Variants in DKK2 observed in about 807,000 individuals in gnomAD.
DKK2 encodes the protein dickkopf Wnt signaling pathway inhibitor 2, also known as dickkopf-related protein 2.
Under a neutral mutation model 28.1 loss-of-function variants are expected in DKK2, and 11 were observed. That is an observed-to-expected ratio of 0.39 (90% CI 0.25 to 0.65). The LOEUF (loss-of-function observed/expected upper bound fraction) is 0.65. Ranked by LOEUF, DKK2 falls within the 30% of genes least tolerant of loss-of-function variation. The pLI is 0.47. For synonymous variants in DKK2, 135 were observed against 126.5 expected (o/e 1.07, Z -0.45); for missense variants, 326 against 335.5 (o/e 0.97, Z 0.22).
chr4:106,971,419 A>C (rs1270153938), intron 1 of DKK2, among the ~76,000 whole-genome samples: 1 of 152,130 alleles, frequency 6.6e-6, no homozygotes, highest in African/African-American at 2.4e-5. Flanking sequence ...AAGAGGAAAT[A>C]ACTGTAAGAT....
intron 1 of DKK2, among the ~76,000 whole-genome samples, chr4:106,980,124 A>G (rs972118986): frequency 2.0e-5 from 3 of 152,194 alleles, no homozygotes; most frequent in Admixed American, 6.5e-5. Flanking sequence ...GGCAATTGCT[A>G]TATAGCTAGA....
intron 1 of DKK2, among the ~76,000 whole-genome samples, chr4:106,930,045 C>T (rs1481368512): frequency 1.3e-5 from 2 of 152,028 alleles, no homozygotes; most frequent in African/African-American, 2.4e-5. Flanking sequence ...TAGAAGCCTC[C>T]GAATACCAAC....
At chr4:106,971,379 A>T (rs1722865478) in intron 1 of DKK2, among the ~76,000 whole-genome samples, 1 of 151,948 alleles carries the variant, frequency 6.6e-6, no homozygotes, top group Admixed American at 6.6e-5. Context: ...ATTATTAAAC[A>T]GCTTATATCT....
At chr4:107,019,178 C>T (rs1411022903) in intron 1 of DKK2, among the ~76,000 whole-genome samples, 1 of 151,942 alleles carries the variant, frequency 6.6e-6, no homozygotes, top group African/African-American at 2.4e-5. Flanking sequence ...CAAAATAGAA[C>T]TCCAACTTGG....
intron 1 of DKK2, among the ~76,000 whole-genome samples, chr4:107,033,090 C>A (rs1468182592): frequency 2.6e-5 from 4 of 152,098 alleles, no homozygotes; most frequent in Non-Finnish European, 5.9e-5. Context: ...TTAGATCATT[C>A]GTTAAAGAAG....
At chr4:107,007,961 G>C (rs1400706537) in intron 1 of DKK2, among the ~76,000 whole-genome samples, 2 of 152,124 alleles carry the variant, frequency 1.3e-5, no homozygotes, top group Non-Finnish European at 2.9e-5. Flanking sequence ...GAGTGAGAAA[G>C]CTTCCCAAAC....
chr4:106,951,622 A>T (rs1191590120), intron 1 of DKK2, among the ~76,000 whole-genome samples: 2 of 152,168 alleles, frequency 1.3e-5, no homozygotes, highest in African/African-American at 4.8e-5. Context: ...AGAGCTAAAA[A>T]AGTTGACCTC....
chr4:107,019,278 T>A (rs1723657899), intron 1 of DKK2, among the ~76,000 whole-genome samples: 1 of 152,092 alleles, frequency 6.6e-6, no homozygotes, highest in African/African-American at 2.4e-5. Context: ...CACTGTCCTG[T>A]ATTAAAATTT....
At chr4:106,967,385 T>G (rs950295689) in intron 1 of DKK2, among the ~76,000 whole-genome samples, 3 of 152,062 alleles carry the variant, frequency 2.0e-5, no homozygotes, top group Middle Eastern at 3.2e-3. Context: ...AGGAGTTACC[T>G]AGTTGCAATG....
rs1007462153 is a variant in DKK2, at chr4:106,923,529, T to C, written c.*425A>G. 1.2e-5 allele frequency: 2 copies of C among 160,552 alleles called. No individual in the cohort carries two copies. Among genetic ancestry groups the C allele is most frequent in the African/African-American group, 2.4e-5 (1 of 41,574 alleles). 9.9% of individuals were successfully genotyped at this position (160,552 alleles called of 1,614,324 possible). On this transcript the variant is annotated 3_prime_UTR_variant, in exon 4 of 4. Coordinates refer to ENST00000285311, the MANE Select transcript of DKK2 (RefSeq NM_014421.3). ...TTAGAACCTATTGTATAACAAGTTA[T>C]TCTAGGAGTATTTTGTTAAACTCTA...
intron 1 of DKK2, among the ~76,000 whole-genome samples, chr4:106,995,125 T>A (rs1399887051): frequency 1.3e-5 from 2 of 152,146 alleles, no homozygotes; most frequent in Non-Finnish European, 2.9e-5. Context: ...TTAATAATAT[T>A]AAATATTACA....
intron 1 of DKK2, among the ~76,000 whole-genome samples, chr4:107,005,458 A>T (rs898067049): frequency 1.2e-4 from 18 of 151,998 alleles, no homozygotes; most frequent in African/African-American, 2.2e-4. Flanking sequence ...TAATTTTTTT[A>T]AAAAAATGAA....
At chr4:106,928,170 T>C (rs1272289287) in intron 1 of DKK2, among the ~76,000 whole-genome samples, 1 of 152,078 alleles carries the variant, frequency 6.6e-6, no homozygotes, top group African/African-American at 2.4e-5. Flanking sequence ...GCAGATGACA[T>C]TAAAAAAATG....
intron 1 of DKK2, among the ~76,000 whole-genome samples, chr4:106,985,078 G>A (rs977289833): frequency 6.6e-6 from 1 of 151,894 alleles, no homozygotes; most frequent in Admixed American, 6.6e-5. Flanking sequence ...GTGAGGTGGC[G>A]GGCGCCTGTA....
At chr4:106,995,931 C>T (rs1249802639) in intron 1 of DKK2, among the ~76,000 whole-genome samples, 1 of 152,142 alleles carries the variant, frequency 6.6e-6, no homozygotes, top group African/African-American at 2.4e-5. Flanking sequence ...GTATCTTTAA[C>T]AAACTCTTTC....
intron 1 of DKK2, among the ~76,000 whole-genome samples, chr4:106,962,671 G>A (rs1722709569): frequency 6.6e-6 from 1 of 151,924 alleles, no homozygotes; most frequent in East Asian, 1.9e-4. Flanking sequence ...AAAACATTGG[G>A]GAAACACTCC....
At chr4:106,992,931 G>C (rs778436991) in intron 1 of DKK2, among the ~76,000 whole-genome samples, 48 of 152,316 alleles carry the variant, frequency 3.2e-4, no homozygotes, top group Non-Finnish European at 4.9e-4. Context: ...GTCTTCTGTG[G>C]AAGAAACAGA....
intron 1 of DKK2, among the ~76,000 whole-genome samples, chr4:107,034,972 G>A (rs1165895823): frequency 1.3e-5 from 2 of 152,154 alleles, no homozygotes; most frequent in African/African-American, 2.4e-5. Context: ...GATTAAATGA[G>A]TGAATATGTA....
At chr4:106,934,597 C>T (rs1416072986) in intron 1 of DKK2, among the ~76,000 whole-genome samples, 4 of 152,052 alleles carry the variant, frequency 2.6e-5, no homozygotes, top group Non-Finnish European at 5.9e-5. Flanking sequence ...ATGTTTATTG[C>T]CTTGGTTAAT....
Sources: gnomAD v4.1 joint callset for allele counts (sites outside exome capture counted in the v4.1 genomes callset) on GRCh38, gnomAD v4.1.1 for gene constraint, MANE v1.5 for transcripts, NCBI Gene and HGNC (gene_info 2026-07-23, HGNC 2026-07-21) for gene names.